VPS13B: variants seen among roughly 807,000 people sequenced by gnomAD.
VPS13B encodes the protein vacuolar protein sorting 13 homolog B.
VPS13B carries 285 observed loss-of-function variants against 426.4 expected under a neutral mutation model. That is an observed-to-expected ratio of 0.67 (90% CI 0.61 to 0.74). VPS13B has a LOEUF of 0.74. VPS13B is among the 30% of genes least tolerant of loss of function. The pLI is 0.00. For synonymous variants in VPS13B, 1,676 were observed against 1,676.4 expected, an observed-to-expected ratio of 1.00 and a Z score of 0.01; for missense variants, 4,537 against 4,782.6, an observed-to-expected ratio of 0.95 and a Z score of 1.51.
At chr8:99,831,090 T>TTTTTTTTTTTTTTA (rs1465842000) in intron 51 of VPS13B, among the ~76,000 whole-genome samples, 5 of 149,892 alleles carry the variant, frequency 3.3e-5, no homozygotes, top group Admixed American at 6.6e-5. Flanking sequence ...TTTTTTTTTT[T>TTTTTTTTTTTTTTA]GAGATAGAGT....
chr8:99,634,662 G>A lies in VPS13B; in HGVS notation c.5221-7149G>A, dbSNP rs149535455. Among the ~76,000 whole-genome samples, 949 of 151,976 alleles carry A rather than the reference G, an allele frequency of 6.2e-3. 7 individuals carry two copies. The highest frequency in any genetic ancestry group is 0.021 in the African/African-American group (891 of 41,506). ...GAGAAATAAAAGATAAAAAGCCCTTGTTTTCTAGCTCTGGGTATCTGTAGT... is the reference window on the plus strand; with the variant it reads ...GAGAAATAAAAGATAAAAAGCCCTTATTTTCTAGCTCTGGGTATCTGTAGT... On this transcript the variant is annotated intron_variant, in intron 33 of 61. Transcript: ENST00000357162.
chr8:99,511,546 A>G (rs772406350), intron 29 of VPS13B, 34 bp downstream of exon 29: 2 of 1,599,012 alleles, frequency 1.3e-6, no homozygotes, highest in Non-Finnish European at 1.7e-6. Flanking sequence ...TCTGATTTTA[A>G]ATAATTTTCT....
Position 99,360,176 on chromosome 8 carries a change from TTCTTTCTTTCTTTCTC to T in VPS13B, c.2825-24028_2825-24013del, listed in dbSNP as rs1228217018. ...TTTCTTTCTTTCTTTCTTTCTTTCT[TTCTTTCTTTCTTTCTC>T]TCTCTCTCTCTCTCTCTCTTTCTTT... On this transcript the variant is annotated intron_variant, in intron 19 of 61. Transcript: ENST00000357162. Among the ~76,000 whole-genome samples, 374 of 42,096 alleles carry T rather than the reference TTCTTTCTTTCTTTCTC, an allele frequency of 8.9e-3. 1 individual carries two copies. The highest frequency in any genetic ancestry group is 0.02 in the South Asian group (18 of 882). 27.6% of individuals were successfully genotyped at this position (42,096 alleles called of 152,430 possible). A position where few individuals can be genotyped will look rare whatever the true frequency, so the allele number is the denominator to read the frequency against.
chr8:99,100,297 A>T (rs1467780119), intron 4 of VPS13B, among the ~76,000 whole-genome samples: 2 of 152,020 alleles, frequency 1.3e-5, no homozygotes, highest in Non-Finnish European at 2.9e-5. Flanking sequence ...AAAAAAAAAT[A>T]TATATATTTT....
At chr8:99,175,827 G>A (rs1303043514) in intron 16 of VPS13B, among the ~76,000 whole-genome samples, 1 of 152,136 alleles carries the variant, frequency 6.6e-6, no homozygotes, top group African/African-American at 2.4e-5. Flanking sequence ...ACCACACATG[G>A]CACCATTCAG....
chr8:99,702,849 G>C (rs1832340849), intron 36 of VPS13B, among the ~76,000 whole-genome samples: 1 of 152,042 alleles, frequency 6.6e-6, no homozygotes, highest in Admixed American at 6.6e-5. Context: ...TTCCAGATGA[G>C]TTTTAATTTA....
intron 54 of VPS13B, among the ~76,000 whole-genome samples, chr8:99,842,244 T>C (rs1006422343): frequency 8.5e-5 from 13 of 152,184 alleles, no homozygotes; most frequent in African/African-American, 3.1e-4. Context: ...GTAGCATATT[T>C]TCAGATCAGT....
At chr8:99,275,364 T>C (rs892500739) in intron 19 of VPS13B, 110 bp downstream of exon 19, 1 of 1,093,826 alleles carries the variant, frequency 9.1e-7, no homozygotes, top group Non-Finnish European at 1.3e-6. Context: ...TTTTTGTCAA[T>C]TGGCTTACTC....
intron 28 of VPS13B, among the ~76,000 whole-genome samples, chr8:99,509,294 G>A (rs1366770179): frequency 2.0e-5 from 3 of 152,006 alleles, no homozygotes; most frequent in African/African-American, 7.3e-5. Flanking sequence ...AAAAAGAAGG[G>A]GAATCAAAAG....
intron 21 of VPS13B, among the ~76,000 whole-genome samples, chr8:99,409,512 T>C (rs1242017303): frequency 6.6e-6 from 1 of 152,166 alleles, no homozygotes; most frequent in Non-Finnish European, 1.5e-5. Flanking sequence ...TCAGTAAATA[T>C]GTACAATTGT....
chr8:99,454,835 G>A (rs1337980915), intron 23 of VPS13B, among the ~76,000 whole-genome samples: 1 of 152,148 alleles, frequency 6.6e-6, no homozygotes, highest in Non-Finnish European at 1.5e-5. Context: ...TAGGTATGTA[G>A]TGGTATCTAA....
rs1453915873 is a variant in VPS13B, at chr8:99,859,490, T to G, written c.11044+10T>G. ...AAGCACATCTCCAAAGGTAGCGGGT[T>G]CCGTTCCTTGTAATAATGCCTTCAC... On this transcript the variant is annotated intron_variant, in intron 57 of 61. Transcript: ENST00000357162. The G allele has an allele frequency of 6.2e-7, 1 of 1,612,986 alleles. No individual in the cohort carries two copies. Among genetic ancestry groups the G allele is most frequent in the Admixed American group, 1.7e-5 (1 of 59,980 alleles).
At chr8:99,196,176 T>G (rs1045100343) in intron 17 of VPS13B, among the ~76,000 whole-genome samples, 2 of 152,176 alleles carry the variant, frequency 1.3e-5, no homozygotes, top group African/African-American at 4.8e-5. Context: ...TCCAAGTTCA[T>G]TAGCACAGAA....
intron 3 of VPS13B, among the ~76,000 whole-genome samples, chr8:99,075,042 A>G (rs1845046883): frequency 1.3e-5 from 2 of 152,016 alleles, no homozygotes. Context: ...TTTTTTTGGA[A>G]TAGTTTAAGA....
intron 19 of VPS13B, among the ~76,000 whole-genome samples, chr8:99,344,165 G>A (rs1811405537): frequency 6.6e-6 from 1 of 152,188 alleles, no homozygotes; most frequent in Non-Finnish European, 1.5e-5. Context: ...CTCATTTATA[G>A]TCAATTGATT....
At chr8:99,741,310 C>G (rs1396606261) in intron 39 of VPS13B, among the ~76,000 whole-genome samples, 2 of 152,060 alleles carry the variant, frequency 1.3e-5, no homozygotes, top group African/African-American at 2.4e-5. Context: ...ACAGGAGCAC[C>G]CAGATTCATA....
intron 51 of VPS13B, among the ~76,000 whole-genome samples, chr8:99,827,563 T>G (rs1814769334): frequency 6.6e-6 from 1 of 151,460 alleles, no homozygotes; most frequent in Admixed American, 6.6e-5. Flanking sequence ...TTTGAAGAGT[T>G]TTTTATGTCT....
chr8:99,575,644 A>G lies in VPS13B; in HGVS notation c.4950-14A>G. ...ATAATGAAATGGCTAATAATCTTTT[A>G]CTCTATCTTTTAGCATACGGCGGCA... On this transcript the variant is annotated splice_polypyrimidine_tract_variant and intron_variant, in intron 31 of 61. Transcript: ENST00000357162. 1.2e-6 allele frequency: 2 copies of G among 1,613,620 alleles called. No individual in the cohort carries two copies. Among genetic ancestry groups the G allele is most frequent in the Non-Finnish European group, 1.7e-6 (2 of 1,179,758 alleles).
At chr8:99,752,177 TA>T (rs1053449372) in intron 39 of VPS13B, among the ~76,000 whole-genome samples, 55 of 143,432 alleles carry the variant, frequency 3.8e-4, no homozygotes, top group Non-Finnish European at 3.1e-4. Context: ...ACTCCATCTC[TA>T]AAAAAAAAAA....
Sources: gnomAD v4.1 joint callset for allele counts (sites outside exome capture counted in the v4.1 genomes callset) on GRCh38, gnomAD v4.1.1 for gene constraint, MANE v1.5 for transcripts, NCBI Gene and HGNC (gene_info 2026-07-23, HGNC 2026-07-21) for gene names.